The following ADGRB3 variants were observed in gnomAD, a reference collection of about 807,000 sequenced individuals.
ADGRB3 encodes the protein brain-specific angiogenesis inhibitor 3.
Under a neutral mutation model 193.4 loss-of-function variants are expected in ADGRB3, and 37 were observed. The observed-to-expected ratio is 0.19, with a 90% confidence interval of 0.15 to 0.25. The LOEUF is 0.25. Ranked by LOEUF, ADGRB3 falls within the 10% of genes least tolerant of loss-of-function variation. The pLI is 1.00. For missense variants in ADGRB3, 1,637 were observed against 1,852.9 expected (o/e 0.88, Z 2.14); for synonymous variants, 690 against 644.2 (o/e 1.07, Z -1.08).
chr6:69,106,350 A>G (rs1561920833), intron 17 of ADGRB3, among the ~76,000 whole-genome samples: 1 of 152,136 alleles, frequency 6.6e-6, no homozygotes, highest in Admixed American at 6.6e-5. Context: ...GTAAAGGAGT[A>G]CAAGCTGTTT....
At chr6:69,213,999 A>G (rs750191092) in intron 17 of ADGRB3, among the ~76,000 whole-genome samples, 41 of 152,064 alleles carry the variant, frequency 2.7e-4, no homozygotes, top group Non-Finnish European at 4.6e-4. Flanking sequence ...CCACTATACA[A>G]TATGCTATTT....
chr6:69,325,154 C>A, intron 21 of ADGRB3, 132 bp downstream of exon 21: 1 of 1,207,742 alleles, frequency 8.3e-7, no homozygotes, highest in Non-Finnish European at 1.1e-6. Flanking sequence ...AATACATGAG[C>A]TGGTCAGTTT....
chr6:69,274,475 T>TCCTCCCTC (rs570087128), intron 20 of ADGRB3, among the ~76,000 whole-genome samples: 18 of 115,944 alleles, frequency 1.6e-4, no homozygotes, highest in South Asian at 9.9e-4. Flanking sequence ...CTTCCTTCCT[T>TCCTCCCTC]CCTCCCTCCC....
intron 3 of ADGRB3, among the ~76,000 whole-genome samples, chr6:68,820,074 C>T (rs954341690): frequency 2.6e-5 from 4 of 152,004 alleles, no homozygotes; most frequent in African/African-American, 9.7e-5. Context: ...CCTTCTGCAT[C>T]GACCTGGTAC....
chr6:68,976,777 C>T (rs985925397), intron 10 of ADGRB3, among the ~76,000 whole-genome samples: 16 of 151,922 alleles, frequency 1.1e-4, no homozygotes, highest in Admixed American at 8.5e-4. Flanking sequence ...GTCTTGCAGG[C>T]TCAGGAGTGG....
Position 69,324,957 on chromosome 6 carries a change from A to T in ADGRB3, c.2900A>T (p.Tyr967Phe). Residue 967 changes from tyrosine to phenylalanine, a missense_variant, in exon 21 of 32, where the codon TAT (tyrosine) becomes TTT (phenylalanine). Tyr to Phe is a conservative substitution (Grantham distance 22). Transcript: ENST00000370598. ...GTTTTGACTGAGGCGTGGCAATCATATATGGCTGTAACTGGAAAAATTAGG... is the reference window on the plus strand; with the variant it reads ...GTTTTGACTGAGGCGTGGCAATCATTTATGGCTGTAACTGGAAAAATTAGG... Reference protein sequence around the residue: ...CWVLTEAWQSYMAVTGKIRTR... With the variant: ...CWVLTEAWQSFMAVTGKIRTR... 11 of 1,614,046 alleles carry T rather than the reference A, an allele frequency of 6.8e-6. No homozygotes were observed. The highest frequency in any genetic ancestry group is 8.5e-6 in the Non-Finnish European group (10 of 1,179,930).
chr6:69,176,540 T>C (rs75126480), intron 17 of ADGRB3, among the ~76,000 whole-genome samples: 4,822 of 152,306 alleles, frequency 0.032, 90 homozygotes, highest in Middle Eastern at 0.051. Flanking sequence ...AGTTTGCTAG[T>C]AATTTGAGAA....
At chr6:69,056,962 A>C (rs1382603200) in intron 15 of ADGRB3, among the ~76,000 whole-genome samples, 1 of 152,128 alleles carries the variant, frequency 6.6e-6, no homozygotes, top group Non-Finnish European at 1.5e-5. Context: ...CCATTTCTGC[A>C]AAAATACCAT....
chr6:69,197,251 A>G (rs536647913), intron 17 of ADGRB3, among the ~76,000 whole-genome samples: 68 of 152,092 alleles, frequency 4.5e-4, no homozygotes, highest in African/African-American at 1.3e-3. Context: ...TTTATTTACC[A>G]TTTTCTCAAG....
chr6:68,674,911 T>G (rs1769052385), intron 3 of ADGRB3, among the ~76,000 whole-genome samples: 1 of 152,196 alleles, frequency 6.6e-6, no homozygotes, highest in African/African-American at 2.4e-5. Context: ...ATACTCAGCG[T>G]TCATAGGTTC....
intron 3 of ADGRB3, among the ~76,000 whole-genome samples, chr6:68,822,567 G>A (rs1470025222): frequency 6.6e-6 from 1 of 151,836 alleles, no homozygotes; most frequent in African/African-American, 2.4e-5. Flanking sequence ...CTATTGTTTA[G>A]CACCTTTTCT....
intron 3 of ADGRB3, among the ~76,000 whole-genome samples, chr6:68,779,940 C>T (rs529207877): frequency 6.6e-6 from 1 of 152,180 alleles, no homozygotes; most frequent in African/African-American, 2.4e-5. Context: ...AGAGAAGTTT[C>T]CCTAAGAGTG....
intron 3 of ADGRB3, among the ~76,000 whole-genome samples, chr6:68,883,483 C>T (rs998514687): frequency 6.6e-5 from 10 of 152,152 alleles, no homozygotes; most frequent in South Asian, 6.2e-4. Flanking sequence ...TGTTGCTTCT[C>T]GCTCATTGGG....
chr6:68,976,331 C>T (rs1225686469), intron 10 of ADGRB3, among the ~76,000 whole-genome samples: 2 of 152,084 alleles, frequency 1.3e-5, no homozygotes, highest in African/African-American at 4.8e-5. Context: ...AAATTCTGTA[C>T]AGCATGTTTC....
intron 3 of ADGRB3, among the ~76,000 whole-genome samples, chr6:68,730,229 G>T (rs1765747052): frequency 6.6e-6 from 1 of 151,510 alleles, no homozygotes; most frequent in Non-Finnish European, 1.5e-5. Context: ...ACAATTATGT[G>T]ACCTCATATA....
At chr6:69,133,132 A>G (rs551042463) in intron 17 of ADGRB3, among the ~76,000 whole-genome samples, 3 of 152,062 alleles carry the variant, frequency 2.0e-5, no homozygotes, top group African/African-American at 7.2e-5. Context: ...TCCATATGAA[A>G]TTTAAAGTAG....
rs574743269 is a variant in ADGRB3, at chr6:69,388,985, A to G, written c.*94A>G. 209 of 1,273,008 alleles carry G rather than the reference A, an allele frequency of 1.6e-4. No individual in the cohort carries two copies. In the African/African-American group the frequency reaches 2.8e-3, roughly 17 times the overall value. 78.9% of individuals were successfully genotyped at this position (1,273,008 alleles called of 1,614,324 possible). A position where few individuals can be genotyped will look rare whatever the true frequency, so the allele number is the denominator to read the frequency against. On this transcript the variant is annotated 3_prime_UTR_variant, in exon 32 of 32. Transcript: ENST00000370598. ...ACATTTCTATCTGGACAGTGTGACTATCTTATGTCAGGACCTTCATGTGCC... is the reference window on the plus strand; with the variant it reads ...ACATTTCTATCTGGACAGTGTGACTGTCTTATGTCAGGACCTTCATGTGCC...
intron 3 of ADGRB3, among the ~76,000 whole-genome samples, chr6:68,665,249 A>G (rs775760437): frequency 6.6e-6 from 1 of 151,538 alleles, no homozygotes; most frequent in Admixed American, 6.6e-5. Flanking sequence ...TAGTCTTGGT[A>G]TTTTGTAGGT....
At position 69,011,171 on chromosome 6, in the gene ADGRB3, A is replaced by G. The variant is rs566328364; in HGVS notation, c.1930-2867A>G. Among the ~76,000 whole-genome samples, 10 of 141,022 alleles carry G rather than the reference A, an allele frequency of 7.1e-5. No homozygotes were observed. The East Asian group carries it at 7.9e-4, about 11-fold the overall frequency. The allele number at this position is 141,022 out of a possible 152,430, so 92.5% of individuals were successfully genotyped here. A position where few individuals can be genotyped will look rare whatever the true frequency, so the allele number is the denominator to read the frequency against. ...TGTGTGTGTGTGTGTGTGTGTGTATATATATATTCTATATGTGTGAGACAA... is the reference window on the plus strand; with the variant it reads ...TGTGTGTGTGTGTGTGTGTGTGTATGTATATATTCTATATGTGTGAGACAA... On this transcript the variant is annotated intron_variant, in intron 11 of 31. Coordinates refer to ENST00000370598, the MANE Select transcript of ADGRB3 (RefSeq NM_001704.3).
Sources: allele counts gnomAD v4.1 joint callset (sites outside exome capture counted in the v4.1 genomes callset), GRCh38; gene constraint gnomAD v4.1.1; transcripts MANE v1.5; gene names NCBI Gene and HGNC (gene_info 2026-07-23, HGNC 2026-07-21).